Variants in DYNC1I1 observed in about 807,000 individuals in gnomAD.
DYNC1I1 encodes dynein cytoplasmic 1 intermediate chain 1, also known as cytoplasmic dynein 1 intermediate chain 1.
In DYNC1I1, 43 loss-of-function variants were observed where a neutral mutation model predicts 86.6. That is an observed-to-expected ratio of 0.50 (90% CI 0.39 to 0.64). DYNC1I1 has a LOEUF of 0.64. Ranked by LOEUF, DYNC1I1 falls within the 30% of genes least tolerant of loss-of-function variation. The pLI is 0.00. For synonymous variants in DYNC1I1, 262 were observed against 283.7 expected (o/e 0.92, Z 0.77); for missense variants, 604 against 788.8 (o/e 0.77, Z 2.81).
intron 9 of DYNC1I1, among the ~76,000 whole-genome samples, chr7:95,991,656 G>C (rs1387424428): frequency 6.6e-6 from 1 of 152,098 alleles, no homozygotes; most frequent in Non-Finnish European, 1.5e-5. Context: ...TTAGGCTTCT[G>C]TTGACTGGGG....
intron 6 of DYNC1I1, among the ~76,000 whole-genome samples, chr7:95,944,104 A>G (rs1357919030): frequency 3.3e-5 from 5 of 152,242 alleles, no homozygotes; most frequent in Admixed American, 3.3e-4. Context: ...AAAATTGGAG[A>G]AAATTTTTGC....
intron 16 of DYNC1I1, among the ~76,000 whole-genome samples, chr7:96,104,410 T>A (rs1791183715): frequency 6.6e-6 from 1 of 152,194 alleles, no homozygotes; most frequent in Non-Finnish European, 1.5e-5. Context: ...TGTTTTATAC[T>A]TAGTATTGTA....
At chr7:95,959,983 T>G (rs1792821367) in intron 6 of DYNC1I1, among the ~76,000 whole-genome samples, 1 of 152,224 alleles carries the variant, frequency 6.6e-6, no homozygotes, top group East Asian at 1.9e-4. Flanking sequence ...TAGATTCCCC[T>G]AAGCGGACTT....
intron 6 of DYNC1I1, among the ~76,000 whole-genome samples, chr7:95,953,531 C>A (rs1792617213): frequency 6.6e-6 from 1 of 152,140 alleles, no homozygotes; most frequent in Non-Finnish European, 1.5e-5. Context: ...TTGTTAAAAA[C>A]AATTTTCACT....
At chr7:95,851,862 C>A (rs1789588330) in intron 5 of DYNC1I1, among the ~76,000 whole-genome samples, 2 of 152,126 alleles carry the variant, frequency 1.3e-5, no homozygotes, top group African/African-American at 4.8e-5. Flanking sequence ...CGGGGTTTCT[C>A]CATGTTGGTC....
chr7:95,849,645 G>A (rs1266653098), intron 5 of DYNC1I1, among the ~76,000 whole-genome samples: 2 of 152,096 alleles, frequency 1.3e-5, no homozygotes, highest in Non-Finnish European at 2.9e-5. Context: ...TTGAAGTCAG[G>A]TAGTGTGATG....
intron 5 of DYNC1I1, among the ~76,000 whole-genome samples, chr7:95,840,102 T>C (rs1789239664): frequency 6.6e-6 from 1 of 152,148 alleles, no homozygotes; most frequent in Non-Finnish European, 1.5e-5. Context: ...TTGGGCTTCC[T>C]GAATCTGGAT....
chr7:96,053,197 C>A (rs1215148577), intron 14 of DYNC1I1, among the ~76,000 whole-genome samples: 1 of 152,092 alleles, frequency 6.6e-6, no homozygotes, highest in Non-Finnish European at 1.5e-5. Context: ...TCAGACGAAG[C>A]CAATTATGAT....
intron 5 of DYNC1I1, among the ~76,000 whole-genome samples, chr7:95,861,650 G>A (rs908306029): frequency 2.0e-5 from 3 of 151,824 alleles, no homozygotes; most frequent in African/African-American, 7.3e-5. Flanking sequence ...AATATGAAGC[G>A]CAGAAACAGC....
chr7:96,024,607 A>G (rs1270223434), intron 10 of DYNC1I1, among the ~76,000 whole-genome samples: 3 of 152,136 alleles, frequency 2.0e-5, no homozygotes, highest in African/African-American at 7.2e-5. Flanking sequence ...ATAATGCTTT[A>G]TTATAACACT....
intron 10 of DYNC1I1, among the ~76,000 whole-genome samples, chr7:96,010,971 G>C (rs1304787065): frequency 6.6e-6 from 1 of 152,156 alleles, no homozygotes; most frequent in Non-Finnish European, 1.5e-5. Context: ...AAGGGGAGTG[G>C]AAAACTGAGT....
chr7:95,811,647 T>G (rs1001391262), intron 3 of DYNC1I1, among the ~76,000 whole-genome samples: 4 of 152,132 alleles, frequency 2.6e-5, no homozygotes, highest in Non-Finnish European at 5.9e-5. Flanking sequence ...GTAAAAATAG[T>G]ATGTTCAACA....
At chr7:95,948,685 A>T (rs1054427512) in intron 6 of DYNC1I1, among the ~76,000 whole-genome samples, 9 of 152,286 alleles carry the variant, frequency 5.9e-5, no homozygotes, top group South Asian at 2.1e-4. Context: ...TGGGAACTTT[A>T]TATGTACTCA....
At chr7:96,077,959 G>C (rs976471255) in intron 15 of DYNC1I1, among the ~76,000 whole-genome samples, 1 of 152,064 alleles carries the variant, frequency 6.6e-6, no homozygotes, top group African/African-American at 2.4e-5. Context: ...GTTTAGTTTT[G>C]TGGTAAACAT....
At position 96,097,959 on chromosome 7, in the gene DYNC1I1, A is replaced by T; in HGVS notation, c.*366A>T. ...CTATTAAATCCATATGAAGCCAGATATGATTGGGTGCAGATGTGGTGTTCC... is the reference window on the plus strand; with the variant it reads ...CTATTAAATCCATATGAAGCCAGATTTGATTGGGTGCAGATGTGGTGTTCC... On this transcript the variant is annotated 3_prime_UTR_variant, in exon 17 of 17. Coordinates refer to ENST00000447467, the MANE Select transcript of DYNC1I1 (RefSeq NM_001135556.2). 2 of 1,014,906 alleles carry T rather than the reference A, an allele frequency of 2.0e-6. No homozygotes were observed. The highest frequency in any genetic ancestry group is 2.4e-6 in the Non-Finnish European group (2 of 847,148). The allele number at this position is 1,014,906 out of a possible 1,614,324, so 62.9% of individuals were successfully genotyped here. A position where few individuals can be genotyped will look rare whatever the true frequency, so the allele number is the denominator to read the frequency against.
At chr7:95,872,636 T>C (rs910053506) in intron 6 of DYNC1I1, among the ~76,000 whole-genome samples, 31 of 152,316 alleles carry the variant, frequency 2.0e-4, no homozygotes, top group African/African-American at 7.2e-4. Flanking sequence ...CAGACAGTGA[T>C]ATAAATAAGC....
At chr7:95,863,895 T>A (rs953554833) in intron 5 of DYNC1I1, among the ~76,000 whole-genome samples, 1 of 152,130 alleles carries the variant, frequency 6.6e-6, no homozygotes, top group Non-Finnish European at 1.5e-5. Flanking sequence ...TTCATAGTAC[T>A]AAAAATAGTA....
chr7:95,837,322 C>T (rs1246557447), intron 5 of DYNC1I1, among the ~76,000 whole-genome samples: 12 of 151,786 alleles, frequency 7.9e-5, no homozygotes, highest in East Asian at 3.9e-4. Flanking sequence ...GCAGTCTGCC[C>T]GTTCTCAGAT....
intron 6 of DYNC1I1, among the ~76,000 whole-genome samples, chr7:95,879,716 C>A (rs1790402655): frequency 6.6e-6 from 1 of 152,026 alleles, no homozygotes. Context: ...AACCATATGA[C>A]CTAGGCTTCA....
Sources: allele counts gnomAD v4.1 joint callset (sites outside exome capture counted in the v4.1 genomes callset), GRCh38; gene constraint gnomAD v4.1.1; transcripts MANE v1.5; gene names NCBI Gene and HGNC (gene_info 2026-07-23, HGNC 2026-07-21).